The following LRBA variants were observed in gnomAD, a reference collection of about 807,000 sequenced individuals.
LRBA encodes the protein LPS responsive beige-like anchor protein, also known as lipopolysaccharide-responsive and beige-like anchor protein.
Under a neutral mutation model 330.0 loss-of-function variants are expected in LRBA, and 176 were observed. The ratio of observed to expected loss-of-function variants is 0.53; its 90% CI spans 0.47 to 0.60. The LOEUF is 0.60. Ranked by LOEUF, LRBA falls within the 20% of genes least tolerant of loss-of-function variation. LRBA has a pLI of 0.00. For synonymous variants in LRBA, 1,230 were observed against 1,193.0 expected (o/e 1.03, Z -0.64); for missense variants, 3,259 against 3,444.8 (o/e 0.95, Z 1.35).
chr4:150,342,735 C>G (rs1435785606), intron 48 of LRBA, among the ~76,000 whole-genome samples: 1 of 152,126 alleles, frequency 6.6e-6, no homozygotes, highest in Non-Finnish European at 1.5e-5. Flanking sequence ...AAGAATGGCG[C>G]TTTTCCCAAA....
At chr4:150,464,009 CAAA>C (rs34742965) in intron 44 of LRBA, among the ~76,000 whole-genome samples, 1 of 146,184 alleles carries the variant, frequency 6.8e-6, no homozygotes. Context: ...AACATATCCT[CAAA>C]AAAAAAAAAA....
At chr4:150,451,807 T>C (rs1753379925) in intron 44 of LRBA, among the ~76,000 whole-genome samples, 3 of 152,162 alleles carry the variant, frequency 2.0e-5, no homozygotes, top group African/African-American at 7.2e-5. Context: ...GTATCAAGAA[T>C]GAATGAAGGG....
chr4:150,607,807 CG>C (rs771349805), intron 37 of LRBA, among the ~76,000 whole-genome samples: 10 of 151,914 alleles, frequency 6.6e-5, no homozygotes, highest in Non-Finnish European at 1.5e-4. Context: ...GAGGCTGAGG[CG>C]GGCGGATCAC....
intron 36 of LRBA, among the ~76,000 whole-genome samples, chr4:150,731,882 A>G (rs1223381545): frequency 6.6e-6 from 1 of 152,198 alleles, no homozygotes; most frequent in East Asian, 1.9e-4. Context: ...AAATACTTGA[A>G]GAGATGGATA....
intron 37 of LRBA, among the ~76,000 whole-genome samples, chr4:150,656,370 T>C (rs975327283): frequency 6.6e-6 from 1 of 152,222 alleles, no homozygotes; most frequent in African/African-American, 2.4e-5. Flanking sequence ...GTTGCTTTTA[T>C]ATTGTTAGAG....
In LRBA at chr4:150,517,989, T is replaced by C. The variant is rs1302070756; in HGVS notation, c.6331-26954A>G. On this transcript the variant is annotated intron_variant, in intron 40 of 56. Coordinates refer to ENST00000651943, the MANE Select transcript of LRBA (RefSeq NM_001364905.1). Reference sequence around the variant, plus strand: ...GACAGCAAAACTAGCACAAATTTCTTATTCCCTCTTCACAATTTTATAGAT... The same window carrying C: ...GACAGCAAAACTAGCACAAATTTCTCATTCCCTCTTCACAATTTTATAGAT... Among the ~76,000 whole-genome samples, 6 of 152,232 alleles carry C rather than the reference T, an allele frequency of 3.9e-5. No homozygotes were observed. In the East Asian group the frequency reaches 1.2e-3, roughly 29 times the overall value.
At position 150,908,418 on chromosome 4, in the gene LRBA, A is replaced by G. The variant is rs573924244; in HGVS notation, c.1409T>C (p.Ile470Thr). 86 of 1,609,834 alleles carry G rather than the reference A, an allele frequency of 5.3e-5. No homozygotes were observed. Among genetic ancestry groups the G allele is most frequent in the Non-Finnish European group, 7.0e-5 (83 of 1,179,038 alleles). ...THSIQSAMHS[I>T]GGVQVLFPLF... ...TGGAAATAGTACTTGTACTCCTCCA[A>G]TTGAATGCATTGCACTTTGGATGGA... The change falls in exon 11 of 57, where the codon ATT becomes ACT. Residue 470 changes from isoleucine (I) to threonine (T), a missense_variant. Physicochemically the swap from Ile to Thr is moderately conservative, Grantham distance 89. Coordinates refer to ENST00000651943, the MANE Select transcript of LRBA (RefSeq NM_001364905.1).
intron 17 of LRBA, among the ~76,000 whole-genome samples, chr4:150,892,273 AATGGACCAAATGTTTG>A (rs1206263127): frequency 6.6e-6 from 1 of 152,332 alleles, no homozygotes; most frequent in East Asian, 1.9e-4. Flanking sequence ...TGATGACTGT[AATGGACCAAATGTTTG>A]CATACACCCA....
intron 36 of LRBA, among the ~76,000 whole-genome samples, chr4:150,726,448 G>T (rs917549886): frequency 6.6e-6 from 1 of 152,108 alleles, no homozygotes; most frequent in Non-Finnish European, 1.5e-5. Context: ...AGGATATAAC[G>T]ATTGTAAATA....
In LRBA at chr4:150,900,202, A is replaced by G. The variant is rs138890467; in HGVS notation, c.1771T>C (p.Tyr591His). The change falls in exon 14 of 57, where the codon TAT becomes CAT. Residue 591 changes from tyrosine to histidine, a missense_variant. Transcript: ENST00000651943. ...HTPAKVQLML[Y>H]TYLSTEFIGT... ...ATGAATTCCGTGGACAGATAAGTAT[A>G]GAGCATCAGTTGAACCTACAGAATA... 4.0e-4 allele frequency: 638 copies of G among 1,607,852 alleles called. No homozygotes were observed. The highest frequency in any genetic ancestry group is 5.2e-4 in the Non-Finnish European group (616 of 1,176,844).
chr4:150,352,220 T>C (rs989990127), intron 47 of LRBA, among the ~76,000 whole-genome samples: 1 of 152,216 alleles, frequency 6.6e-6, no homozygotes, highest in Admixed American at 6.5e-5. Flanking sequence ...CCAACTTGTA[T>C]AGCAAGTAAC....
At chr4:150,276,920 C>T (rs1161536018) in intron 56 of LRBA, among the ~76,000 whole-genome samples, 5 of 152,182 alleles carry the variant, frequency 3.3e-5, no homozygotes, top group African/African-American at 9.7e-5. Context: ...AATCTCATTA[C>T]TGGGTATATA....
chr4:150,774,762 G>C (rs1316277121), intron 34 of LRBA, among the ~76,000 whole-genome samples: 1 of 152,150 alleles, frequency 6.6e-6, no homozygotes, highest in Non-Finnish European at 1.5e-5. Flanking sequence ...AGGGGACCCA[G>C]CTTCCCCTTC....
chr4:150,827,798 C>T (rs988637178), intron 30 of LRBA, among the ~76,000 whole-genome samples: 2 of 152,108 alleles, frequency 1.3e-5, no homozygotes, highest in African/African-American at 4.8e-5. Context: ...GACTGGGTTT[C>T]ACCATGTTGG....
rs1168186001 is a variant in LRBA, at chr4:150,532,792, GACTAGAGTTTTCAAAAGAAAAAAGAAAA to G, written c.6331-41785_6331-41758del. On this transcript the variant is annotated intron_variant, in intron 40 of 56. Transcript: ENST00000651943. ...AGAAATTAAATTTAATATGTAATTA[GACTAGAGTTTTCAAAAGAAAAAAGAAAA>G]AATGACTTCTGAAATTACAAAAGAT... Among the ~76,000 whole-genome samples the G allele has an allele frequency of 2.0e-5, 3 of 151,856 alleles. No individual in the cohort carries two copies. The South Asian group carries it at 6.2e-4, about 32-fold the overall frequency.
chr4:151,014,623 C>T lies in LRBA; in HGVS notation c.20G>A (p.Arg7His). 6.2e-7 allele frequency: 1 copy of T among 1,602,992 alleles called. No homozygotes were observed. The highest frequency in any genetic ancestry group is 8.5e-7 in the Non-Finnish European group (1 of 1,174,124). ...ACCTGTTGGTGGCGGGGAAGGGACA[C>T]GATTGTCTTCGCTAGCCATTGCTAG... MASEDNRVPSPPPTGDD... is the reference protein window; with the variant it reads MASEDNHVPSPPPTGDD... Residue 7 changes from arginine (R) to histidine (H), a missense_variant, in exon 2 of 57, where the codon CGT (arginine) becomes CAT (histidine). Arg to His is a conservative substitution (Grantham distance 29). Transcript: ENST00000651943.
chr4:150,320,194 G>A (rs138084310), intron 50 of LRBA, among the ~76,000 whole-genome samples: 140 of 152,200 alleles, frequency 9.2e-4, no homozygotes, highest in Non-Finnish European at 1.2e-3. Flanking sequence ...CTCAAACTCC[G>A]CCACTGACTG....
At chr4:150,886,689 A>G (rs1405071856) in intron 17 of LRBA, among the ~76,000 whole-genome samples, 2 of 152,108 alleles carry the variant, frequency 1.3e-5, no homozygotes, top group Non-Finnish European at 2.9e-5. Flanking sequence ...TTGCAGCCCC[A>G]CCCTTACCAG....
At chr4:150,862,162 C>A (rs1207594481) in intron 22 of LRBA, among the ~76,000 whole-genome samples, 3 of 152,130 alleles carry the variant, frequency 2.0e-5, no homozygotes, top group Non-Finnish European at 4.4e-5. Context: ...CCATTTGACC[C>A]AGCCATCCCA....
Sources: allele counts gnomAD v4.1 joint callset (sites outside exome capture counted in the v4.1 genomes callset), GRCh38; gene constraint gnomAD v4.1.1; transcripts MANE v1.5; gene names NCBI Gene and HGNC (gene_info 2026-07-23, HGNC 2026-07-21).